DTL: variants seen among roughly 807,000 people sequenced by gnomAD.
DTL encodes denticleless E3 ubiquitin protein ligase adapter.
DTL carries 46 observed loss-of-function variants against 87.0 expected under a neutral mutation model. The ratio of observed to expected loss-of-function variants is 0.53; its 90% CI spans 0.42 to 0.68. The LOEUF (loss-of-function observed/expected upper bound fraction) is 0.68, where lower values mean the gene tolerates loss of function less well. DTL is among the 30% of genes least tolerant of loss of function. The pLI is 0.00. For synonymous variants in DTL, 308 were observed against 311.2 expected, an observed-to-expected ratio of 0.99 and a Z score of 0.11; for missense variants, 737 against 869.4, an observed-to-expected ratio of 0.85 and a Z score of 1.91.
intron 5 of DTL, among the ~76,000 whole-genome samples, chr1:212,054,652 G>A (rs554659490): frequency 5.3e-4 from 80 of 151,846 alleles, no homozygotes; most frequent in Middle Eastern, 6.8e-3. Context: ...AAAATTAGCC[G>A]GGTGTGGTGA....
chr1:212,051,442 CTTTTTTTTTTTTT>C (rs958429363), intron 5 of DTL: 33 of 197,198 alleles, frequency 1.7e-4, no homozygotes, highest in African/African-American at 1.0e-3. Flanking sequence ...ATATGAAATT[CTTTTTTTTTTTTT>C]TTTTTTTTTT....
intron 14 of DTL, 53 bp downstream of exon 14, chr1:212,101,137 A>G (rs1255444736): frequency 2.5e-6 from 3 of 1,222,816 alleles, no homozygotes; most frequent in East Asian, 5.0e-5. Context: ...GGGGCCAGAC[A>G]CCCAGATGTC....
At chr1:212,082,887 C>T (rs771721754) in intron 13 of DTL, among the ~76,000 whole-genome samples, 6 of 152,128 alleles carry the variant, frequency 3.9e-5, no homozygotes, top group Non-Finnish European at 7.4e-5. Flanking sequence ...TGAAAGTGAG[C>T]ACTCCACATG....
intron 7 of DTL, among the ~76,000 whole-genome samples, chr1:212,066,566 G>A (rs957012343): frequency 6.6e-6 from 1 of 152,118 alleles, no homozygotes; most frequent in African/African-American, 2.4e-5. Context: ...AGGCTCAGAC[G>A]AGCAAAATCT....
At chr1:212,063,505 G>A (rs1045907782) in intron 6 of DTL, among the ~76,000 whole-genome samples, 8 of 151,908 alleles carry the variant, frequency 5.3e-5, no homozygotes, top group Non-Finnish European at 1.2e-4. Context: ...TGGCCAGGCT[G>A]GTCTCAAACT....
At chr1:212,073,767 A>G (rs1654745877) in intron 11 of DTL, among the ~76,000 whole-genome samples, 2 of 152,072 alleles carry the variant, frequency 1.3e-5, no homozygotes, top group Admixed American at 1.3e-4. Context: ...AATGCCTATA[A>G]AGTATATACT....
intron 13 of DTL, among the ~76,000 whole-genome samples, chr1:212,097,399 C>CT (rs1655481827): frequency 6.6e-6 from 1 of 152,074 alleles, no homozygotes; most frequent in Admixed American, 6.6e-5. Context: ...AGATCTCGAG[C>CT]AAGGCCAGAG....
chr1:212,061,247 CAAA>C (rs1258680124), intron 5 of DTL, among the ~76,000 whole-genome samples: 8 of 105,308 alleles, frequency 7.6e-5, no homozygotes, highest in Non-Finnish European at 8.2e-5. Flanking sequence ...GATCCTGTCT[CAAA>C]AAAAAAAAAA....
At chr1:212,068,372 TAAA>T (rs35528691) in intron 9 of DTL, 45 bp downstream of exon 9, 1,809 of 947,588 alleles carry the variant, frequency 1.9e-3, no homozygotes, top group South Asian at 3.9e-3. Context: ...AGTTTTTGTT[TAAA>T]AAAAAAAAAA....
chr1:212,068,091 A>C, intron 8 of DTL, 133 bp from the exon 9 acceptor site: 2 of 579,608 alleles, frequency 3.5e-6, no homozygotes, highest in Middle Eastern at 4.2e-4. Flanking sequence ...TTTGTTTCCC[A>C]ATGAAATATC....
chr1:212,094,356 G>T (rs1004381377), intron 13 of DTL, among the ~76,000 whole-genome samples: 1 of 152,140 alleles, frequency 6.6e-6, no homozygotes, highest in Non-Finnish European at 1.5e-5. Flanking sequence ...GTTGAATAGG[G>T]TGTCCTTTCC....
intron 5 of DTL, among the ~76,000 whole-genome samples, chr1:212,049,239 G>GAA (rs1193326539): frequency 6.6e-6 from 1 of 152,172 alleles, no homozygotes; most frequent in African/African-American, 2.4e-5. Context: ...GGACTTTTAA[G>GAA]AAAGTCGGTT....
At chr1:212,074,981 C>A (rs11119843) in intron 11 of DTL, among the ~76,000 whole-genome samples, 1 of 151,886 alleles carries the variant, frequency 6.6e-6, no homozygotes, top group African/African-American at 2.4e-5. Context: ...GTCTCACCCC[C>A]ACCCCATCCT....
At chr1:212,069,447 T>G (rs773265961) in intron 10 of DTL, among the ~76,000 whole-genome samples, 32 of 152,134 alleles carry the variant, frequency 2.1e-4, no homozygotes, top group Non-Finnish European at 4.3e-4. Context: ...ATCCTCAGAG[T>G]TACCCAGTTT....
chr1:212,043,593 G>A (rs1027986768), intron 2 of DTL, among the ~76,000 whole-genome samples: 4 of 152,016 alleles, frequency 2.6e-5, no homozygotes, highest in African/African-American at 4.8e-5. Context: ...ACTTTGGGAG[G>A]CCAAGGCGGG....
At chr1:212,066,309 T>A (rs1475579575) in intron 7 of DTL, among the ~76,000 whole-genome samples, 1 of 152,150 alleles carries the variant, frequency 6.6e-6, no homozygotes, top group Admixed American at 6.5e-5. Flanking sequence ...CGAGTAGCAT[T>A]TCAGACATTT....
intron 8 of DTL, among the ~76,000 whole-genome samples, chr1:212,067,713 G>A (rs923148484): frequency 5.3e-5 from 8 of 152,160 alleles, no homozygotes; most frequent in African/African-American, 1.9e-4. Flanking sequence ...TAGCAGGTCT[G>A]TGTTTTCAAG....
At chr1:212,051,785 A>C in intron 5 of DTL, 2 of 741,772 alleles carry the variant, frequency 2.7e-6, no homozygotes, top group South Asian at 1.5e-5. Flanking sequence ...TGTTTACAAC[A>C]ATGCCAACAG....
chr1:212,057,676 C>A (rs940314293), intron 5 of DTL, among the ~76,000 whole-genome samples: 8 of 152,088 alleles, frequency 5.3e-5, no homozygotes, highest in African/African-American at 1.7e-4. Flanking sequence ...AAGGAAGGAA[C>A]AAAGGATATA....
Sources: allele counts gnomAD v4.1 joint callset (sites outside exome capture counted in the v4.1 genomes callset), GRCh38; gene constraint gnomAD v4.1.1; transcripts MANE v1.5; gene names NCBI Gene and HGNC (gene_info 2026-07-23, HGNC 2026-07-21).